TMEM168: variants seen among roughly 807,000 people sequenced by gnomAD.
The protein encoded by TMEM168 is transmembrane protein 168.
A neutral mutation model predicts 53.2 loss-of-function variants in TMEM168; 40 were observed. That is an observed-to-expected ratio of 0.75 (90% CI 0.58 to 0.98). The LOEUF is 0.98. Ranked by LOEUF, TMEM168 falls within the 50% of genes least tolerant of loss-of-function variation. The pLI is 0.00. For missense variants in TMEM168, 771 were observed against 828.8 expected (o/e 0.93, Z 0.86); for synonymous variants, 282 against 293.0 (o/e 0.96, Z 0.38).
At chr7:112,774,476 T>C (rs928008691) in intron 3 of TMEM168, among the ~76,000 whole-genome samples, 30 of 151,470 alleles carry the variant, frequency 2.0e-4, no homozygotes, top group African/African-American at 5.6e-4. Flanking sequence ...AGAGTAGTTA[T>C]AGTGTACCAA....
intron 2 of TMEM168, among the ~76,000 whole-genome samples, chr7:112,781,363 G>A (rs1793227290): frequency 6.6e-6 from 1 of 152,098 alleles, no homozygotes. Context: ...AAAACAAGTG[G>A]CCTAAAAGAC....
chr7:112,784,116 G>A lies in TMEM168; in HGVS notation c.710C>T (p.Pro237Leu), dbSNP rs776707777. 48 of 1,613,690 alleles carry A rather than the reference G, an allele frequency of 3.0e-5. No homozygotes were observed. The highest frequency in any genetic ancestry group is 3.8e-5 in the Non-Finnish European group (45 of 1,179,968). Residue 237 changes from proline to leucine, a missense_variant, in exon 2 of 5, where the codon CCT (proline) becomes CTT (leucine). Transcript: ENST00000312814. Reference sequence around the variant, plus strand: ...TCCACTAAAATAAATGTCAAGGAAAGGATCAGTTATCAGGCAAATAAAAAA... The same window carrying A: ...TCCACTAAAATAAATGTCAAGGAAAAGATCAGTTATCAGGCAAATAAAAAA... ...ACFFICLITDPFLDIYFSGLS... is the reference protein window; with the variant it reads ...ACFFICLITDLFLDIYFSGLS...
intron 1 of TMEM168, 44 bp downstream of exon 1, chr7:112,790,116 A>C (rs1364763125): frequency 6.6e-6 from 1 of 152,458 alleles, no homozygotes; most frequent in Admixed American, 6.5e-5. Context: ...GGCAGTGTCT[A>C]TGCCTAGATC....
chr7:112,786,850 C>A (rs949997495), intron 1 of TMEM168, among the ~76,000 whole-genome samples: 3 of 152,234 alleles, frequency 2.0e-5, no homozygotes, highest in South Asian at 2.1e-4. Context: ...ATCTCTGATA[C>A]CCTACTTCTT....
rs932314551 is a variant in TMEM168, at chr7:112,762,600, T to A, written c.*4597A>T. On this transcript the variant is annotated 3_prime_UTR_variant, in exon 5 of 5. Transcript: ENST00000312814. ...CTGTCTACTTCTAACTATTTTAAGTTCAAACTTATAAAATATTATGAGGTC... is the reference window on the plus strand; with the variant it reads ...CTGTCTACTTCTAACTATTTTAAGTACAAACTTATAAAATATTATGAGGTC... 2 of 152,024 alleles carry A rather than the reference T, an allele frequency of 1.3e-5. No homozygotes were observed. The highest frequency in any genetic ancestry group is 4.8e-5 in the African/African-American group (2 of 41,442). 9.4% of individuals were successfully genotyped at this position (152,024 alleles called of 1,614,324 possible). A position where few individuals can be genotyped will look rare whatever the true frequency, so the allele number is the denominator to read the frequency against.
Position 112,784,035 on chromosome 7 carries a change from C to T in TMEM168, c.791G>A (p.Arg264Lys). The change falls in exon 2 of 5, where the codon AGA becomes AAA. Residue 264 changes from arginine to lysine, a missense_variant. Coordinates refer to ENST00000312814, the MANE Select transcript of TMEM168 (RefSeq NM_022484.6). The stretch of plus-strand genomic sequence containing the variant: ...CATTCCAGCAAAAACGACTGAAAGT[C>T]TTCTGCAAATTCTTCCACGGTACAA... The part of the protein sequence containing the change: ...PFLYRGRICR[R>K]LSVVFAGMIE... The T allele has an allele frequency of 6.2e-7, 1 of 1,612,438 alleles. No homozygotes were observed. Among genetic ancestry groups the T allele is most frequent in the Non-Finnish European group, 8.5e-7 (1 of 1,179,708 alleles).
intron 2 of TMEM168, among the ~76,000 whole-genome samples, chr7:112,777,217 T>C (rs1793108383): frequency 6.6e-6 from 1 of 152,176 alleles, no homozygotes; most frequent in Non-Finnish European, 1.5e-5. Flanking sequence ...ATTAAGAAGA[T>C]ATTTTAACAT....
chr7:112,773,922 C>T (rs1792999181), intron 3 of TMEM168, among the ~76,000 whole-genome samples: 1 of 152,142 alleles, frequency 6.6e-6, no homozygotes, highest in Non-Finnish European at 1.5e-5. Flanking sequence ...TATTTCCACA[C>T]ATTCTTTCTA....
intron 2 of TMEM168, among the ~76,000 whole-genome samples, chr7:112,782,506 G>A (rs1313097168): frequency 6.6e-6 from 1 of 152,168 alleles, no homozygotes; most frequent in African/African-American, 2.4e-5. Flanking sequence ...TCATGCTTGA[G>A]TTTTTGACAT....
chr7:112,780,954 A>AC (rs1793213176), intron 2 of TMEM168, among the ~76,000 whole-genome samples: 3 of 151,552 alleles, frequency 2.0e-5, no homozygotes. Context: ...AAAAAAAAAA[A>AC]AAAAAAAAAA....
rs548489846 is a variant in TMEM168 at position 112,786,670 on chromosome 7, A to C, written c.-128-1717T>G. Among the ~76,000 whole-genome samples, 4 of 152,224 alleles carry C rather than the reference A, an allele frequency of 2.6e-5. 1 individual carries two copies. In the South Asian group the frequency reaches 8.3e-4, roughly 32 times the overall value. ...CAAATACGTTAGAATATATATCCTC[A>C]AAGAGCTGATGGTACAATCTGGGCT... On this transcript the variant is annotated intron_variant, in intron 1 of 4. Coordinates refer to ENST00000312814, the MANE Select transcript of TMEM168 (RefSeq NM_022484.6).
chr7:112,763,163 T>C lies in TMEM168; in HGVS notation c.*4034A>G, dbSNP rs968880178. Reference sequence around the variant, plus strand: ...AGCCATTTTTTGGCAACATCAGCTATGTTTTCATTCAAACCAGTTCTGAAA... The same window carrying C: ...AGCCATTTTTTGGCAACATCAGCTACGTTTTCATTCAAACCAGTTCTGAAA... On this transcript the variant is annotated 3_prime_UTR_variant, in exon 5 of 5. Coordinates refer to ENST00000312814, the MANE Select transcript of TMEM168 (RefSeq NM_022484.6). The C allele has an allele frequency of 4.6e-5, 7 of 152,130 alleles. No homozygotes were observed. The highest frequency in any genetic ancestry group is 9.6e-5 in the African/African-American group (4 of 41,460). The allele number at this position is 152,130 out of a possible 1,614,324, so 9.4% of individuals were successfully genotyped here. A position where few individuals can be genotyped will look rare whatever the true frequency, so the allele number is the denominator to read the frequency against.
Position 112,767,619 on chromosome 7 carries a change from T to C in TMEM168, c.1672A>G (p.Lys558Glu), listed in dbSNP as rs1223069940. 6.2e-7 allele frequency: 1 copy of C among 1,614,042 alleles called. No individual in the cohort carries two copies. The highest frequency in any genetic ancestry group is 1.3e-5 in the African/African-American group (1 of 74,932). ...NSTPWVKEVRKINDQYIAVQG... is the reference protein window; with the variant it reads ...NSTPWVKEVREINDQYIAVQG... ...ACTGCAATATACTGGTCATTAATTTTCCTCACTTCTTTCACCCAAGGGGTT... is the reference window on the plus strand; with the variant it reads ...ACTGCAATATACTGGTCATTAATTTCCCTCACTTCTTTCACCCAAGGGGTT... The change falls in exon 5 of 5, where the codon AAA becomes GAA. Residue 558 changes from lysine (K) to glutamate (E), a missense_variant. Transcript: ENST00000312814.
At chr7:112,769,609 T>C (rs1039652926) in intron 4 of TMEM168, among the ~76,000 whole-genome samples, 1 of 152,214 alleles carries the variant, frequency 6.6e-6, no homozygotes, top group African/African-American at 2.4e-5. Context: ...TGTTTTGCTC[T>C]GCTTTCTCCT....
intron 4 of TMEM168, among the ~76,000 whole-genome samples, chr7:112,772,160 T>C (rs192686253): frequency 8.2e-4 from 125 of 152,326 alleles, no homozygotes; most frequent in Middle Eastern, 3.4e-3. Flanking sequence ...AAACCAAAGT[T>C]ATTTTATGTT....
In TMEM168 at chr7:112,784,073, T is replaced by C. The variant is rs753481727; in HGVS notation, c.753A>G (p.Arg251=). 6.2e-7 allele frequency: 1 copy of C among 1,612,730 alleles called. No homozygotes were observed. Among genetic ancestry groups the C allele is most frequent in the South Asian group, 1.1e-5 (1 of 90,470 alleles). ...IYFSGLSVTE[R]WKPFLYRGRI... ...TTCCACGGTACAAAAAGGGTTTCCA[T>C]CTTTCAGTTACTGAAAGTCCACTAA... is the stretch of plus-strand genomic sequence containing the variant. The change falls in exon 2 of 5, where the codon AGA becomes AGG. Residue 251 remains arginine (R), a synonymous_variant. Coordinates refer to ENST00000312814, the MANE Select transcript of TMEM168 (RefSeq NM_022484.6).
chr7:112,783,716 C>G lies in TMEM168; in HGVS notation c.1110G>C (p.Leu370Phe). The stretch of plus-strand genomic sequence containing the variant: ...AGCTTACCTGCCAGGAAACTGCTCC[C>G]AAAATCGCTGTTGCAAGAAGACTAA... ...VFFSLLATAILGAVSWQPTNG... is the reference protein window; with the variant it reads ...VFFSLLATAIFGAVSWQPTNG... Residue 370 changes from leucine to phenylalanine, a missense_variant, in exon 2 of 5, where the codon TTG becomes TTC. Coordinates refer to ENST00000312814, the MANE Select transcript of TMEM168 (RefSeq NM_022484.6). 1 of 1,503,752 alleles carries G rather than the reference C, an allele frequency of 6.7e-7. No homozygotes were observed. Among genetic ancestry groups the G allele is most frequent in the Non-Finnish European group, 8.9e-7 (1 of 1,127,826 alleles). 93.2% of individuals were successfully genotyped at this position (1,503,752 alleles called of 1,614,324 possible).
chr7:112,784,490 T>C lies in TMEM168; in HGVS notation c.336A>G (p.Ser112=), dbSNP rs1344848948. The C allele has an allele frequency of 2.5e-6, 4 of 1,614,122 alleles. No homozygotes were observed. Among genetic ancestry groups the C allele is most frequent in the South Asian group, 1.1e-5 (1 of 91,070 alleles). ...LLGLLCFLDN[S]SFKNDVKEES... is the part of the protein sequence containing the mutation. Reference sequence around the variant, plus strand: ...CTTCTTTTACATCATTTTTAAAGGATGAATTATCAAGAAAACATAGGAGGC... The same window carrying C: ...CTTCTTTTACATCATTTTTAAAGGACGAATTATCAAGAAAACATAGGAGGC... The change falls in exon 2 of 5, where the codon TCA becomes TCG. Residue 112 remains serine (S), a synonymous_variant. Transcript: ENST00000312814.
intron 4 of TMEM168, among the ~76,000 whole-genome samples, 181 bp downstream of exon 4, chr7:112,772,600 T>A (rs1223917674): frequency 2.0e-5 from 3 of 152,192 alleles, no homozygotes; most frequent in Non-Finnish European, 4.4e-5. Context: ...ATTCCCAATC[T>A]TATCATTAGA....
Sources: gnomAD v4.1 joint callset for allele counts (sites outside exome capture counted in the v4.1 genomes callset) on GRCh38, gnomAD v4.1.1 for gene constraint, MANE v1.5 for transcripts, NCBI Gene and HGNC (gene_info 2026-07-23, HGNC 2026-07-21) for gene names.